Variants in GUCY2C observed in about 807,000 individuals in gnomAD.
The protein encoded by GUCY2C is guanylyl cyclase C.
Under a neutral mutation model 131.1 loss-of-function variants are expected in GUCY2C, and 118 were observed. The ratio of observed to expected loss-of-function variants is 0.90; its 90% CI spans 0.78 to 1.05. The LOEUF (loss-of-function observed/expected upper bound fraction) is 1.05. Among genes scored for constraint, GUCY2C ranks in the 50% least tolerant of loss-of-function variants. GUCY2C has a pLI of 0.00. For missense variants in GUCY2C, 1,161 were observed against 1,304.4 expected (o/e 0.89, Z 1.69); for synonymous variants, 452 against 457.8 (o/e 0.99, Z 0.16).
At position 14,625,836 on chromosome 12, in the gene GUCY2C, G is replaced by A. The variant is rs1460612368; in HGVS notation, c.2329C>T (p.His777Tyr). ...AGCTGTGTCCTTTCCTCTACCAGATGTTCCAGGTTTCGAGAATATAGCTGT... is the reference window on the plus strand; with the variant it reads ...AGCTGTGTCCTTTCCTCTACCAGATATTCCAGGTTTCGAGAATATAGCTGT... ...RLQLYSRNLEHLVEERTQLYK... is the reference protein window; with the variant it reads ...RLQLYSRNLEYLVEERTQLYK... The change falls in exon 21 of 27, where the codon CAT becomes TAT. Residue 777 changes from histidine to tyrosine, a missense_variant. His to Tyr is a moderately conservative substitution (Grantham distance 83). Transcript: ENST00000261170. 6.2e-7 allele frequency: 1 copy of A among 1,613,250 alleles called. No individual in the cohort carries two copies. The highest frequency in any genetic ancestry group is 8.5e-7 in the Non-Finnish European group (1 of 1,179,282).
chr12:14,632,381 A>G (rs1947164418), intron 19 of GUCY2C, among the ~76,000 whole-genome samples: 2 of 152,204 alleles, frequency 1.3e-5, no homozygotes, highest in Non-Finnish European at 2.9e-5. Context: ...TAAATATCTT[A>G]AAATACTTTA....
intron 25 of GUCY2C, among the ~76,000 whole-genome samples, chr12:14,615,603 A>G (rs1322841269): frequency 6.7e-6 from 1 of 149,116 alleles, no homozygotes; most frequent in Non-Finnish European, 1.5e-5. Flanking sequence ...TATCTATAAT[A>G]TATATCAATA....
At chr12:14,675,888 T>C (rs1728114495) in intron 7 of GUCY2C, among the ~76,000 whole-genome samples, 1 of 152,266 alleles carries the variant, frequency 6.6e-6, no homozygotes, top group South Asian at 2.1e-4. Context: ...GGTTTCAGTT[T>C]CTTTTGCTGA....
intron 11 of GUCY2C, among the ~76,000 whole-genome samples, chr12:14,660,006 C>T (rs1298971702): frequency 6.6e-6 from 1 of 152,192 alleles, no homozygotes; most frequent in African/African-American, 2.4e-5. Flanking sequence ...TAAATGGTCA[C>T]CACACATTGT....
At chr12:14,655,790 C>T (rs888360914) in intron 12 of GUCY2C, among the ~76,000 whole-genome samples, 1 of 152,200 alleles carries the variant, frequency 6.6e-6, no homozygotes, top group African/African-American at 2.4e-5. Context: ...TAGCTGTGTT[C>T]CTGGAATTTC....
intron 24 of GUCY2C, among the ~76,000 whole-genome samples, chr12:14,616,933 A>C (rs1946775477): frequency 2.0e-5 from 3 of 152,128 alleles, no homozygotes; most frequent in Admixed American, 1.3e-4. Context: ...CCCAAATCTC[A>C]TGTTGAATTT....
intron 1 of GUCY2C, among the ~76,000 whole-genome samples, chr12:14,696,028 G>A (rs1948648817): frequency 6.6e-6 from 1 of 152,186 alleles, no homozygotes; most frequent in Non-Finnish European, 1.5e-5. Context: ...GCTAGTCCCA[G>A]AGCAAGGTGA....
At chr12:14,621,779 A>G (rs1037095553) in intron 22 of GUCY2C, among the ~76,000 whole-genome samples, 6 of 152,104 alleles carry the variant, frequency 3.9e-5, no homozygotes, top group Non-Finnish European at 2.9e-5. Flanking sequence ...TTCCTGCTGA[A>G]CTTCCTGTTG....
chr12:14,621,251 C>T, intron 22 of GUCY2C, 35 bp from the exon 23 acceptor site: 1 of 1,561,638 alleles, frequency 6.4e-7, no homozygotes, highest in Non-Finnish European at 8.8e-7. Flanking sequence ...GCCTCTGCCC[C>T]TTTGAAAAGT....
chr12:14,640,091 T>G lies in GUCY2C; in HGVS notation c.2069-141A>C, dbSNP rs544281746. ...AGTGCTGCAGAGCCTAGACCAGCAC[T>G]CAGTAGACAGGTGTTGATTCAATGA... On this transcript the variant is annotated intron_variant, in intron 18 of 26. Coordinates refer to ENST00000261170, the MANE Select transcript of GUCY2C (RefSeq NM_004963.4). 462 of 632,862 alleles carry G rather than the reference T, an allele frequency of 7.3e-4. No individual in the cohort carries two copies. In the Middle Eastern group the frequency reaches 9.3e-3, roughly 13 times the overall value. 39.2% of individuals were successfully genotyped at this position (632,862 alleles called of 1,614,324 possible).
intron 11 of GUCY2C, among the ~76,000 whole-genome samples, chr12:14,659,252 C>G (rs950018851): frequency 6.6e-6 from 1 of 152,096 alleles, no homozygotes; most frequent in African/African-American, 2.4e-5. Context: ...ACCATGTTGG[C>G]CAGGCTGGTC....
chr12:14,653,045 A>T lies in GUCY2C; in HGVS notation c.1471-31T>A. On this transcript the variant is annotated intron_variant, in intron 12 of 26. Coordinates refer to ENST00000261170, the MANE Select transcript of GUCY2C (RefSeq NM_004963.4). ...ACAAGAAAAGGCTAATTATTCCAGAAGCTCCATATCTCATCCTACTCACTG... is the reference window on the plus strand; with the variant it reads ...ACAAGAAAAGGCTAATTATTCCAGATGCTCCATATCTCATCCTACTCACTG... The T allele has an allele frequency of 2.0e-6, 3 of 1,517,158 alleles. No homozygotes were observed. In the East Asian group the frequency reaches 6.7e-5, roughly 34 times the overall value. The allele number at this position is 1,517,158 out of a possible 1,614,324, so 94.0% of individuals were successfully genotyped here.
chr12:14,622,216 A>G lies in GUCY2C; in HGVS notation c.2409-19T>C, dbSNP rs1946911930. On this transcript the variant is annotated intron_variant, in intron 21 of 26. Coordinates refer to ENST00000261170, the MANE Select transcript of GUCY2C (RefSeq NM_004963.4). Reference sequence around the variant, plus strand: ...CACTAGCCTAGATGAACGAAGGGAAAAAAAATGCCTTCAACTTCAGCAAAT... The same window carrying G: ...CACTAGCCTAGATGAACGAAGGGAAGAAAAATGCCTTCAACTTCAGCAAAT... 2 of 1,467,484 alleles carry G rather than the reference A, an allele frequency of 1.4e-6. No individual in the cohort carries two copies. Among genetic ancestry groups the G allele is most frequent in the Admixed American group, 5.5e-5 (2 of 36,552 alleles). The allele number at this position is 1,467,484 out of a possible 1,614,324, so 90.9% of individuals were successfully genotyped here.
At chr12:14,626,233 G>C (rs112356111) in intron 20 of GUCY2C, among the ~76,000 whole-genome samples, 2,261 of 152,194 alleles carry the variant, frequency 0.015, 67 homozygotes, top group African/African-American at 0.052. Context: ...CGAGGCAGGA[G>C]AATTGCTTGA....
chr12:14,614,825 T>C, intron 26 of GUCY2C, 42 bp downstream of exon 26: 1 of 1,242,822 alleles, frequency 8.0e-7, no homozygotes, highest in Non-Finnish European at 1.1e-6. Context: ...AAAGCCAAGA[T>C]CTCTAATTTC....
chr12:14,693,609 A>G (rs79633182), intron 1 of GUCY2C, among the ~76,000 whole-genome samples: 2,599 of 152,318 alleles, frequency 0.017, 82 homozygotes, highest in African/African-American at 0.059. Flanking sequence ...AACATGAGCT[A>G]TCTCTTCCCC....
chr12:14,674,759 G>T lies in GUCY2C; in HGVS notation c.950C>A (p.Thr317Lys). The T allele has an allele frequency of 6.3e-7, 1 of 1,598,534 alleles. No individual in the cohort carries two copies. ...NSSFSRNLSP[T>K]KRDFALAYLN... ...ATAGGCAAGAGCAAAGTCTCGTTTT[G>T]TCTAAATAAAAAAGGAAAATATTAA... Residue 317 changes from threonine (T) to lysine (K), a missense_variant and splice_region_variant, in exon 8 of 27, where the codon ACA (threonine) becomes AAA (lysine). Thr to Lys is a moderately conservative substitution (Grantham distance 78, BLOSUM62 -1). Coordinates refer to ENST00000261170, the MANE Select transcript of GUCY2C (RefSeq NM_004963.4).
At chr12:14,622,838 C>G (rs1002657821) in intron 21 of GUCY2C, among the ~76,000 whole-genome samples, 6 of 152,086 alleles carry the variant, frequency 3.9e-5, no homozygotes, top group Non-Finnish European at 5.9e-5. Context: ...CAAATTAAAG[C>G]AACTTTTAGA....
At chr12:14,649,365 G>A (rs912591017) in intron 15 of GUCY2C, among the ~76,000 whole-genome samples, 3 of 152,096 alleles carry the variant, frequency 2.0e-5, no homozygotes, top group Non-Finnish European at 4.4e-5. Flanking sequence ...TTCTTCTAAC[G>A]TTGAAGTTTA....
Sources: gnomAD v4.1 joint callset for allele counts (sites outside exome capture counted in the v4.1 genomes callset) on GRCh38, gnomAD v4.1.1 for gene constraint, MANE v1.5 for transcripts, NCBI Gene and HGNC (gene_info 2026-07-23, HGNC 2026-07-21) for gene names.